Variants in IL1R2 observed in about 807,000 individuals in gnomAD.
The protein encoded by IL1R2 is interleukin 1 receptor type 2.
IL1R2 carries 46 observed loss-of-function variants against 39.5 expected under a neutral mutation model. That is an observed-to-expected ratio of 1.16 (90% CI 0.92 to 1.49). The LOEUF is 1.49. Ranked by LOEUF, IL1R2 falls within the 40% of genes most tolerant of loss-of-function variation. The pLI is 0.00. For synonymous variants in IL1R2, 207 were observed against 189.6 expected (o/e 1.09, Z -0.75); for missense variants, 537 against 502.0 (o/e 1.07, Z -0.67).
chr2:102,006,886 CGT>C (rs1292218783), intron 1 of IL1R2, among the ~76,000 whole-genome samples: 1 of 152,164 alleles, frequency 6.6e-6, no homozygotes, highest in African/African-American at 2.4e-5. Flanking sequence ...AGTGTGGCCT[CGT>C]GTGTGCTTTT....
chr2:101,995,092 A>T (rs1369170691), intron 1 of IL1R2, among the ~76,000 whole-genome samples: 1 of 152,210 alleles, frequency 6.6e-6, no homozygotes, highest in African/African-American at 2.4e-5. Flanking sequence ...AGGGTGAAGG[A>T]ATTCTGTGGA....
chr2:102,023,536 A>G (rs549829809), intron 6 of IL1R2: 4 of 152,306 alleles, frequency 2.6e-5, no homozygotes, highest in Admixed American at 1.3e-4. Flanking sequence ...AGGATGGAGA[A>G]CGGCTGGCAT....
intron 1 of IL1R2, chr2:101,998,945 G>T (rs2150419295): frequency 6.6e-6 from 1 of 152,456 alleles, no homozygotes; most frequent in African/African-American, 2.4e-5. Flanking sequence ...AGGTGAGTTA[G>T]ACTCCACCTC....
chr2:101,994,146 C>T (rs1458464269), intron 1 of IL1R2, among the ~76,000 whole-genome samples: 5 of 152,178 alleles, frequency 3.3e-5, no homozygotes, highest in African/African-American at 4.8e-5. Context: ...GAAGGAAGCT[C>T]GGCTGAATGT....
At chr2:102,022,371 G>A (rs1677458304) in intron 6 of IL1R2, 122 bp downstream of exon 6, 7 of 795,002 alleles carry the variant, frequency 8.8e-6, no homozygotes, top group Middle Eastern at 4.7e-4. Context: ...ATGTGCCTGG[G>A]TGGAGACCTT....
intron 1 of IL1R2, 160 bp downstream of exon 1, chr2:101,992,171 G>C (rs929930150): frequency 6.6e-6 from 1 of 152,156 alleles, no homozygotes; most frequent in African/African-American, 2.4e-5. Flanking sequence ...GGAAGGCAGA[G>C]AGAAGAGAGA....
intron 3 of IL1R2, among the ~76,000 whole-genome samples, chr2:102,013,554 G>GAAAAAAAAAAA (rs1577711343): frequency 3.2e-4 from 10 of 31,628 alleles, no homozygotes; most frequent in Non-Finnish European, 4.1e-4. Context: ...AAAAAAAAAG[G>GAAAAAAAAAAA]AAAGAAAGAA....
In IL1R2 at chr2:102,026,261, T is replaced by G. The variant is rs765916036; in HGVS notation, c.1030+8T>G. The stretch of plus-strand genomic sequence containing the variant: ...GCACCACAGTCAAGGAAGGTATGTA[T>G]GTATTTTGGGGAGCACTATAGGAGA... On this transcript the variant is annotated splice_region_variant and intron_variant, in intron 8 of 8. Transcript: ENST00000332549. The G allele has an allele frequency of 6.2e-7, 1 of 1,603,420 alleles. No homozygotes were observed. The highest frequency in any genetic ancestry group is 8.5e-7 in the Non-Finnish European group (1 of 1,175,116).
intron 6 of IL1R2, among the ~76,000 whole-genome samples, chr2:102,023,829 C>G (rs1337019375): frequency 6.6e-6 from 1 of 151,638 alleles, no homozygotes; most frequent in South Asian, 2.1e-4. Flanking sequence ...AGGTGGATCA[C>G]GAGGTTAGGA....
chr2:101,993,704 T>C (rs1011406622), intron 1 of IL1R2, among the ~76,000 whole-genome samples: 2 of 152,206 alleles, frequency 1.3e-5, no homozygotes, highest in South Asian at 2.1e-4. Context: ...TTGCTCTTGC[T>C]GTTTGAAGCT....
At chr2:101,999,435 C>T (rs922871260) in intron 1 of IL1R2, among the ~76,000 whole-genome samples, 1 of 152,194 alleles carries the variant, frequency 6.6e-6, no homozygotes, top group African/African-American at 2.4e-5. Context: ...TCAGAAGTCC[C>T]GAGTTGTGGC....
chr2:102,027,654 C>T (rs917733743), intron 8 of IL1R2, among the ~76,000 whole-genome samples: 1 of 152,172 alleles, frequency 6.6e-6, no homozygotes, highest in Non-Finnish European at 1.5e-5. Context: ...ATTCTAGTCT[C>T]ATCAACAATG....
intron 6 of IL1R2, among the ~76,000 whole-genome samples, 190 bp downstream of exon 6, chr2:102,022,439 A>T (rs1677464158): frequency 6.6e-6 from 1 of 152,232 alleles, no homozygotes; most frequent in African/African-American, 2.4e-5. Flanking sequence ...CCCTTTGGCC[A>T]GTTTGGTTAG....
intron 3 of IL1R2, 67 bp downstream of exon 3, chr2:102,009,893 T>C (rs183359023): frequency 2.1e-4 from 319 of 1,535,156 alleles, no homozygotes; most frequent in Non-Finnish European, 2.6e-4. Context: ...GGGTCTTCAG[T>C]CATGATCCGG....
At chr2:102,010,406 T>C (rs958447012) in intron 3 of IL1R2, among the ~76,000 whole-genome samples, 2 of 151,894 alleles carry the variant, frequency 1.3e-5, no homozygotes, top group African/African-American at 4.8e-5. Context: ...ACCCCGTCTC[T>C]ACTAAAAAAA....
chr2:101,998,681 C>T (rs1675704667), intron 1 of IL1R2, among the ~76,000 whole-genome samples: 8 of 152,170 alleles, frequency 5.3e-5, no homozygotes, highest in Admixed American at 5.2e-4. Flanking sequence ...TTGCAGGGTT[C>T]CTGGGAGGCT....
At position 102,007,932 on chromosome 2, in the gene IL1R2, G is replaced by A. The variant is rs368684587; in HGVS notation, c.-61-583G>A. The stretch of plus-strand genomic sequence containing the variant: ...ACAAAAGGAAAGGCAGCTTCTTGCA[G>A]GACTCAGACTTCAGCTTATTTTTTT... On this transcript the variant is annotated intron_variant, in intron 1 of 8. Coordinates refer to ENST00000332549, the MANE Select transcript of IL1R2 (RefSeq NM_004633.4). Among the ~76,000 whole-genome samples, 357 of 152,366 alleles carry A rather than the reference G, an allele frequency of 2.3e-3. 6 individuals carry two copies. The South Asian group carries it at 0.026, about 11-fold the overall frequency.
chr2:102,008,750 C>T (rs758948196), intron 2 of IL1R2, 108 bp downstream of exon 2: 60 of 881,228 alleles, frequency 6.8e-5, no homozygotes, highest in South Asian at 1.1e-4. Context: ...GGGCCGAGCT[C>T]GGTGGCTGCC....
chr2:102,009,975 C>G (rs376923031), intron 3 of IL1R2, 149 bp downstream of exon 3: 13 of 821,734 alleles, frequency 1.6e-5, no homozygotes, highest in East Asian at 1.5e-4. Flanking sequence ...TTCCTGACAC[C>G]CCCCCCAACC....
Sources: gnomAD v4.1 joint callset for allele counts (sites outside exome capture counted in the v4.1 genomes callset) on GRCh38, gnomAD v4.1.1 for gene constraint, MANE v1.5 for transcripts, NCBI Gene and HGNC (gene_info 2026-07-23, HGNC 2026-07-21) for gene names.